The following ARHGEF38 variants were observed in gnomAD, a reference collection of about 807,000 sequenced individuals.
ARHGEF38 encodes Rho guanine nucleotide exchange factor 38, also known as Rho guanine nucleotide exchange factor (GEF) 38.
ARHGEF38 carries 79 observed loss-of-function variants against 79.9 expected under a neutral mutation model. That is an observed-to-expected ratio of 0.99 (90% CI 0.82 to 1.19). The LOEUF is 1.19. Ranked by LOEUF, ARHGEF38 falls within the 50% of genes most tolerant of loss-of-function variation. The probability of loss-of-function intolerance (pLI) is 0.00; values close to 1 mark genes in which losing one functional copy is unlikely to be tolerated. For synonymous variants in ARHGEF38, 366 were observed against 328.3 expected, an observed-to-expected ratio of 1.11 and a Z score of -1.24; for missense variants, 962 against 907.2, an observed-to-expected ratio of 1.06 and a Z score of -0.78.
At chr4:105,575,121 C>T (rs1245123334) in intron 1 of ARHGEF38, among the ~76,000 whole-genome samples, 1 of 152,064 alleles carries the variant, frequency 6.6e-6, no homozygotes, top group African/African-American at 2.4e-5. Context: ...CTGCAATAAA[C>T]ATACAAGTAC....
rs114063579 is a variant in ARHGEF38 at position 105,631,305 on chromosome 4, T to C, written c.656+260T>C. The stretch of plus-strand genomic sequence containing the variant: ...GATTGAAAAATGCAATATCAAAATA[T>C]AAAATGTGGAAGAAAAGCCTCTTCT... On this transcript the variant is annotated intron_variant, in intron 4 of 13. Coordinates refer to ENST00000420470, the MANE Select transcript of ARHGEF38 (RefSeq NM_001242729.2). 674 of 1,102,634 alleles carry C rather than the reference T, an allele frequency of 6.1e-4. 6 individuals are homozygous for C. In the African/African-American group the frequency reaches 9.7e-3, roughly 16 times the overall value. The allele number at this position is 1,102,634 out of a possible 1,614,324, so 68.3% of individuals were successfully genotyped here.
chr4:105,588,675 A>G (rs1204606231), intron 1 of ARHGEF38, among the ~76,000 whole-genome samples: 1 of 152,268 alleles, frequency 6.6e-6, no homozygotes, highest in Non-Finnish European at 1.5e-5. Context: ...AAGATGAACC[A>G]TGAAAAATTT....
At position 105,589,393 on chromosome 4, in the gene ARHGEF38, G is replaced by T. The variant is rs752845523; in HGVS notation, c.342G>T (p.Glu114Asp). 1 of 1,613,868 alleles carries T rather than the reference G, an allele frequency of 6.2e-7. No individual in the cohort carries two copies. Reference protein sequence around the residue: ...QTEKDYLNDLELCVREVVQPL... With the variant: ...QTEKDYLNDLDLCVREVVQPL... Reference sequence around the variant, plus strand: ...AAAAGGATTATCTCAATGATCTAGAGCTGTGTGTTAGGGAAGTGGTTCAGC... The same window carrying T: ...AAAAGGATTATCTCAATGATCTAGATCTGTGTGTTAGGGAAGTGGTTCAGC... Residue 114 changes from glutamate to aspartate, a missense_variant, in exon 2 of 14, where the codon GAG (glutamate) becomes GAT (aspartate). Physicochemically the swap from Glu to Asp is conservative, Grantham distance 45. Coordinates refer to ENST00000420470, the MANE Select transcript of ARHGEF38 (RefSeq NM_001242729.2).
rs990958462 is a variant in ARHGEF38 at position 105,678,061 on chromosome 4, T to C, written c.*124T>C. On this transcript the variant is annotated 3_prime_UTR_variant, in exon 14 of 14. Transcript: ENST00000420470. ...TGAACTACAGAAACTGATACTGTAC[T>C]GGGTTTTCAGGAATACTGTACTTCC... 4 of 745,638 alleles carry C rather than the reference T, an allele frequency of 5.4e-6. No individual in the cohort carries two copies. In the African/African-American group the frequency reaches 7.0e-5, roughly 13 times the overall value. 46.2% of individuals were successfully genotyped at this position (745,638 alleles called of 1,614,324 possible).
At chr4:105,654,671 G>A (rs1730249849) in intron 8 of ARHGEF38, among the ~76,000 whole-genome samples, 1 of 152,286 alleles carries the variant, frequency 6.6e-6, no homozygotes, top group Middle Eastern at 3.4e-3. Flanking sequence ...CCCATAAGAA[G>A]TTGTCCTGAC....
At chr4:105,629,476 T>C (rs1353124564) in intron 3 of ARHGEF38, among the ~76,000 whole-genome samples, 3 of 151,986 alleles carry the variant, frequency 2.0e-5, no homozygotes, top group Non-Finnish European at 4.4e-5. Flanking sequence ...TTTATTTCTG[T>C]GGAAAGAATG....
intron 10 of ARHGEF38, among the ~76,000 whole-genome samples, chr4:105,664,597 G>T (rs1380462479): frequency 6.6e-6 from 1 of 152,186 alleles, no homozygotes; most frequent in Non-Finnish European, 1.5e-5. Flanking sequence ...TATGTGATTT[G>T]TGTATTAGTC....
intron 13 of ARHGEF38, among the ~76,000 whole-genome samples, chr4:105,673,821 C>A (rs553550011): frequency 6.6e-6 from 1 of 151,780 alleles, no homozygotes; most frequent in Non-Finnish European, 1.5e-5. Context: ...TTTTCTTCAT[C>A]GAAATTGCTC....
rs994395436 is a variant in ARHGEF38, at chr4:105,650,060, A to G, written c.1008+1378A>G. Among the ~76,000 whole-genome samples the G allele has an allele frequency of 2.0e-5, 3 of 152,234 alleles. No homozygotes were observed. The East Asian group carries it at 5.8e-4, about 29-fold the overall frequency. ...AAGAAAACACCTAACATAGTGTGTAAGCACTCAATATACTTTAGCTGTCAT... is the reference window on the plus strand; with the variant it reads ...AAGAAAACACCTAACATAGTGTGTAGGCACTCAATATACTTTAGCTGTCAT... On this transcript the variant is annotated intron_variant, in intron 7 of 13. Coordinates refer to ENST00000420470, the MANE Select transcript of ARHGEF38 (RefSeq NM_001242729.2).
chr4:105,559,035 G>A (rs1185157183), intron 1 of ARHGEF38, among the ~76,000 whole-genome samples: 1 of 123,742 alleles, frequency 8.1e-6, no homozygotes, highest in East Asian at 2.1e-4. Context: ...CTTTGTTTCT[G>A]TTGACACAGG....
Position 105,677,883 on chromosome 4 carries a change from A to T in ARHGEF38, c.2280A>T (p.Gln760His), listed in dbSNP as rs1176540517. 1 of 1,534,400 alleles carries T rather than the reference A, an allele frequency of 6.5e-7. No homozygotes were observed. The highest frequency in any genetic ancestry group is 8.7e-7 in the Non-Finnish European group (1 of 1,145,778). ...AAGAGTGGTGGTTAGCTGAAGCTCA[A>T]GGGCAGAAAGGATACGTGCCAGCTA... Reference protein sequence around the residue: ...GNKEWWLAEAQGQKGYVPANY... With the variant: ...GNKEWWLAEAHGQKGYVPANY... The change falls in exon 14 of 14, where the codon CAA becomes CAT. Residue 760 changes from glutamine (Q) to histidine (H), a missense_variant. Physicochemically the swap from Gln to His is conservative, Grantham distance 24. Transcript: ENST00000420470.
intron 1 of ARHGEF38, among the ~76,000 whole-genome samples, chr4:105,557,895 T>C (rs762249287): frequency 2.0e-5 from 3 of 152,116 alleles, no homozygotes; most frequent in Non-Finnish European, 4.4e-5. Context: ...TCTGGTTAAT[T>C]TTCTGGCCAG....
chr4:105,644,117 C>T (rs938149353), intron 5 of ARHGEF38, among the ~76,000 whole-genome samples: 7 of 152,070 alleles, frequency 4.6e-5, no homozygotes, highest in African/African-American at 7.2e-5. Context: ...ATCTGCCTGC[C>T]TTGGCCTCCC....
intron 1 of ARHGEF38, among the ~76,000 whole-genome samples, chr4:105,584,520 C>G (rs1480327974): frequency 2.6e-5 from 4 of 152,096 alleles, no homozygotes; most frequent in African/African-American, 9.7e-5. Flanking sequence ...AGCTAAGTAA[C>G]TTGTCTGAGG....
intron 1 of ARHGEF38, among the ~76,000 whole-genome samples, chr4:105,571,363 C>A (rs1214851646): frequency 7.1e-6 from 1 of 140,722 alleles, no homozygotes; most frequent in Non-Finnish European, 1.5e-5. Flanking sequence ...CACTCTGTCA[C>A]CCAGGCTGGA....
intron 2 of ARHGEF38, among the ~76,000 whole-genome samples, chr4:105,591,558 C>T (rs1165629065): frequency 6.6e-6 from 1 of 152,138 alleles, no homozygotes; most frequent in Non-Finnish European, 1.5e-5. Context: ...AACCATCTGG[C>T]CTACATATTA....
At chr4:105,591,509 G>A (rs1041272300) in intron 2 of ARHGEF38, among the ~76,000 whole-genome samples, 2 of 152,150 alleles carry the variant, frequency 1.3e-5, no homozygotes, top group Non-Finnish European at 2.9e-5. Flanking sequence ...GATTACAGGC[G>A]TGAGCCACCA....
intron 9 of ARHGEF38, among the ~76,000 whole-genome samples, chr4:105,658,166 T>A (rs1452194720): frequency 2.0e-5 from 3 of 152,162 alleles, no homozygotes; most frequent in Non-Finnish European, 1.5e-5. Context: ...AAACAGAATG[T>A]GTAGGCCAAG....
rs952235237 is a variant in ARHGEF38, at chr4:105,678,119, G to C, written c.*182G>C. The C allele has an allele frequency of 5.5e-5, 24 of 439,240 alleles. No individual in the cohort carries two copies. Among genetic ancestry groups the C allele is most frequent in the African/African-American group, 4.0e-4 (20 of 49,778 alleles). The allele number at this position is 439,240 out of a possible 1,614,324, so 27.2% of individuals were successfully genotyped here. On this transcript the variant is annotated 3_prime_UTR_variant, in exon 14 of 14. Coordinates refer to ENST00000420470, the MANE Select transcript of ARHGEF38 (RefSeq NM_001242729.2). ...ATTATTGCATGAATGTATTATAAAG[G>C]ATACATGTTGAAAGAAATACTAAGC... is the stretch of plus-strand genomic sequence containing the variant.
Sources: gnomAD v4.1 joint callset for allele counts (sites outside exome capture counted in the v4.1 genomes callset) on GRCh38, gnomAD v4.1.1 for gene constraint, MANE v1.5 for transcripts, NCBI Gene and HGNC (gene_info 2026-07-23, HGNC 2026-07-21) for gene names.